MROH2A: variants seen among roughly 807,000 people sequenced by gnomAD.
MROH2A encodes maestro heat like repeat family member 2A, also known as maestro heat-like repeat-containing protein family member 2A.
A neutral mutation model predicts 200.4 loss-of-function variants in MROH2A; 174 were observed. That is an observed-to-expected ratio of 0.87 (90% CI 0.77 to 0.98). The LOEUF (loss-of-function observed/expected upper bound fraction) is 0.98, where lower values mean the gene tolerates loss of function less well. MROH2A is among the 50% of genes least tolerant of loss of function. The pLI, the probability that MROH2A is intolerant of heterozygous loss-of-function variation, is 0.00. For missense variants in MROH2A, 2,045 were observed against 2,139.6 expected (o/e 0.96, Z 0.87); for synonymous variants, 829 against 840.4 (o/e 0.99, Z 0.23).
chr2:233,798,935 A>T (rs1204385206), intron 12 of MROH2A, 85 bp downstream of exon 12: 15 of 1,142,152 alleles, frequency 1.3e-5, no homozygotes, highest in Admixed American at 6.1e-5. Flanking sequence ...TGGGAGGCAG[A>T]GGCTTTTGAT....
rs28900432 is a variant in MROH2A at position 233,801,953 on chromosome 2, T to A, written c.1561-215T>A. On this transcript the variant is annotated intron_variant, in intron 14 of 41. Coordinates refer to ENST00000389758, the MANE Select transcript of MROH2A (RefSeq NM_001394639.1). ...CAGGGATGCTGGCCCCAGCAGGGAC[T>A]AGCAGACTCTCTTGCCACATCAGGG... Among the ~76,000 whole-genome samples the A allele has an allele frequency of 0.01, 1,575 of 152,290 alleles. 113 individuals carry two copies. In the East Asian group the frequency reaches 0.19, roughly 19 times the overall value.
intron 33 of MROH2A, 117 bp downstream of exon 33, chr2:233,822,673 C>T (rs1704025688): frequency 1.6e-6 from 2 of 1,215,012 alleles, no homozygotes; most frequent in East Asian, 5.1e-5. Context: ...CTGGTGGGAT[C>T]TGATCTTACT....
chr2:233,813,687 AC>A lies in MROH2A; in HGVS notation c.2670del (p.Ser891ProfsTer8). On this transcript the variant is annotated frameshift_variant, in exon 25 of 42. Coordinates refer to ENST00000389758, the MANE Select transcript of MROH2A (RefSeq NM_001394639.1). LOFTEE classifies it high-confidence loss of function. ...LSHLSKLKPFYSTEENSELMD... is the reference protein window; with the variant it reads ...LSHLSKLKPFXSTEENSELMD... ...TTCTCCAGCAAGCTGAAGCCTTTCT[AC>A]TCCACAGAGGAAAACAGTGAGCTGA... is the stretch of plus-strand genomic sequence containing the variant. The A allele has an allele frequency of 6.5e-7, 1 of 1,548,382 alleles. No homozygotes were observed. The highest frequency in any genetic ancestry group is 1.2e-5 in the South Asian group (1 of 83,828).
chr2:233,822,385 T>C lies in MROH2A; in HGVS notation c.3695T>C (p.Leu1232Pro). The C allele has an allele frequency of 6.4e-7, 1 of 1,551,020 alleles. No homozygotes were observed. Among genetic ancestry groups the C allele is most frequent in the Non-Finnish European group, 8.7e-7 (1 of 1,147,078 alleles). ...PLMTLCTIHL[L>P]IQKLDENDKL... ...CAGACCCTGTGCACCATCCACCTTCTCATTCAGAAGCTGGATGAGAATGAC... is the reference window on the plus strand; with the variant it reads ...CAGACCCTGTGCACCATCCACCTTCCCATTCAGAAGCTGGATGAGAATGAC... The change falls in exon 33 of 42, where the codon CTC becomes CCC. Residue 1232 changes from leucine to proline, a missense_variant. This residue lies in a region of MROH2A where 1,201 missense variants were observed against 1,311.3 expected (regional missense o/e 0.92). Transcript: ENST00000389758.
chr2:233,793,912 G>A (rs1441941957), intron 7 of MROH2A, 88 bp downstream of exon 7: 64 of 1,253,640 alleles, frequency 5.1e-5, no homozygotes, highest in Admixed American at 2.6e-4. Context: ...AGGGACCGTC[G>A]GGTCCACACT....
At chr2:233,777,566 A>T (rs1160735054), upstream of MROH2A, among the ~76,000 whole-genome samples, 1 of 152,246 alleles carries the variant, frequency 6.6e-6, no homozygotes, top group African/African-American at 2.4e-5. Context: ...TCATTTTCTA[A>T]CCATCTGAAT....
intron 27 of MROH2A, 31 bp downstream of exon 27, chr2:233,816,916 G>T: frequency 7.4e-7 from 1 of 1,346,420 alleles, no homozygotes; most frequent in Non-Finnish European, 1.0e-6. Context: ...CCCCCAGCCT[G>T]CTGCTCTGAC....
chr2:233,823,641 C>G lies in MROH2A; in HGVS notation c.4090C>G (p.Arg1364Gly). 6.4e-7 allele frequency: 1 copy of G among 1,550,434 alleles called. No individual in the cohort carries two copies. The highest frequency in any genetic ancestry group is 8.7e-7 in the Non-Finnish European group (1 of 1,146,912). The change falls in exon 35 of 42, where the codon CGC (arginine) becomes GGC (glycine). Residue 1364 changes from arginine (R) to glycine (G), a missense_variant. Arg to Gly is a moderately radical substitution (Grantham distance 125). Coordinates refer to ENST00000389758, the MANE Select transcript of MROH2A (RefSeq NM_001394639.1). ...RGMDSEVLSC[R>G]ISSTAVCFMS... is the part of the protein sequence containing the mutation. ...CATGGACTCAGAAGTCCTGAGCTGC[C>G]GCATCAGCAGCACAGCGGTCTGCGT... is the stretch of plus-strand genomic sequence containing the variant.
chr2:233,786,397 T>C (rs563400779), intron 3 of MROH2A, among the ~76,000 whole-genome samples: 1 of 152,354 alleles, frequency 6.6e-6, no homozygotes, highest in South Asian at 2.1e-4. Flanking sequence ...CTCCTGTGCA[T>C]GCGCACAGTG....
chr2:233,793,634 C>G, intron 6 of MROH2A, 39 bp from the exon 7 acceptor site: 1 of 1,341,216 alleles, frequency 7.5e-7, no homozygotes, highest in Non-Finnish European at 9.6e-7. Flanking sequence ...GCTTCCAGCC[C>G]CTCTGGCGCC....
intron 33 of MROH2A, 124 bp downstream of exon 33, chr2:233,822,680 T>C (rs1704026379): frequency 6.7e-6 from 8 of 1,192,584 alleles, no homozygotes. Flanking sequence ...GATCTGATCT[T>C]ACTCAAAATG....
At position 233,833,127 on chromosome 2, in the gene MROH2A, TTCTC is replaced by T. The variant is rs984029569; in HGVS notation, c.4904-6_4904-3del. 4.6e-6 allele frequency: 7 copies of T among 1,534,236 alleles called. No individual in the cohort carries two copies. In the African/African-American group the frequency reaches 6.9e-5, roughly 15 times the overall value. ...GGGGCCTGAACCTTCCCTCTTTGTGTTCTCTCTCAGCCCTCCAGGAACTACAGCT... is the reference window on the plus strand; with the variant it reads ...GGGGCCTGAACCTTCCCTCTTTGTGTTCTCAGCCCTCCAGGAACTACAGCT... On this transcript the variant is annotated splice_region_variant and splice_polypyrimidine_tract_variant and intron_variant, in intron 41 of 41. Transcript: ENST00000389758.
chr2:233,800,868 T>C (rs990507382), intron 14 of MROH2A, among the ~76,000 whole-genome samples: 1 of 152,010 alleles, frequency 6.6e-6, no homozygotes, highest in African/African-American at 2.4e-5. Flanking sequence ...AAATGTACCA[T>C]GAGAACATCA....
rs756964020 is a variant in MROH2A, at chr2:233,814,597, G to T, written c.2776G>T (p.Ala926Ser). Residue 926 changes from alanine to serine, a missense_variant, in exon 26 of 42, where the codon GCC (alanine) becomes TCC (serine). By Grantham distance (99) the Ala-to-Ser change is moderately conservative (BLOSUM62 1). Coordinates refer to ENST00000389758, the MANE Select transcript of MROH2A (RefSeq NM_001394639.1). The part of the protein sequence containing the change: ...NESIKTLYAN[A>S]LSSLEQLMES... Reference sequence around the variant, plus strand: ...TTGGCTGTAGACCCTGTATGCAAATGCCCTGAGCTCCCTGGAGCAGCTGAT... The same window carrying T: ...TTGGCTGTAGACCCTGTATGCAAATTCCCTGAGCTCCCTGGAGCAGCTGAT... 1.2e-5 allele frequency: 18 copies of T among 1,550,310 alleles called. No individual in the cohort carries two copies. Among genetic ancestry groups the T allele is most frequent in the Non-Finnish European group, 1.1e-5 (13 of 1,146,854 alleles).
intron 28 of MROH2A, among the ~76,000 whole-genome samples, 192 bp from the exon 29 acceptor site, chr2:233,818,460 T>G (rs940655899): frequency 2.0e-5 from 3 of 151,930 alleles, no homozygotes; most frequent in African/African-American, 7.2e-5. Context: ...GCCTCTGAGC[T>G]GGGCGGAGAG....
intron 3 of MROH2A, among the ~76,000 whole-genome samples, chr2:233,787,716 TTA>T (rs1448808482): frequency 1.6e-5 from 1 of 63,106 alleles, no homozygotes; most frequent in Non-Finnish European, 2.6e-5. Context: ...AACATATATA[TTA>T]TATATATCAT....
chr2:233,826,435 G>A (rs907205055), intron 35 of MROH2A, among the ~76,000 whole-genome samples: 1 of 152,192 alleles, frequency 6.6e-6, no homozygotes, highest in African/African-American at 2.4e-5. Context: ...ACAGGCAACT[G>A]ATCTTGGACA....
At chr2:233,825,527 G>T (rs1368598192) in intron 35 of MROH2A, among the ~76,000 whole-genome samples, 3 of 152,182 alleles carry the variant, frequency 2.0e-5, no homozygotes, top group African/African-American at 7.2e-5. Context: ...TTAACATGAA[G>T]GGATGTTGAA....
At chr2:233,832,819 C>CTATTGAT (rs1704873788) in intron 41 of MROH2A, among the ~76,000 whole-genome samples, 175 bp downstream of exon 41, 1 of 152,162 alleles carries the variant, frequency 6.6e-6, no homozygotes, top group Non-Finnish European at 1.5e-5. Context: ...AGGACGACAG[C>CTATTGAT]TATTGATGGG....
Sources: allele counts gnomAD v4.1 joint callset (sites outside exome capture counted in the v4.1 genomes callset), GRCh38; gene constraint gnomAD v4.1.1; regional missense constraint gnomAD v4.1.1; transcripts MANE v1.5; gene names NCBI Gene and HGNC (gene_info 2026-07-23, HGNC 2026-07-21).